The following PNPLA7 variants were observed in gnomAD, a reference collection of about 807,000 sequenced individuals.
PNPLA7 encodes the protein patatin like domain 7, lysophospholipase.
In PNPLA7, 153 loss-of-function variants were observed where a neutral mutation model predicts 161.7. The ratio of observed to expected loss-of-function variants is 0.95; its 90% CI spans 0.83 to 1.08. The LOEUF is 1.08. PNPLA7 is among the 50% of genes least tolerant of loss of function. PNPLA7 has a pLI of 0.00. For synonymous variants in PNPLA7, 809 were observed against 782.1 expected, an observed-to-expected ratio of 1.03 and a Z score of -0.57; for missense variants, 1,739 against 1,856.6, an observed-to-expected ratio of 0.94 and a Z score of 1.16.
chr9:137,484,806 GC>G (rs1460651678), intron 20 of PNPLA7, 70 bp from the exon 21 acceptor site: 9 of 1,478,688 alleles, frequency 6.1e-6, no homozygotes, highest in South Asian at 5.4e-5. Flanking sequence ...ATGCCCTGGG[GC>G]CCCCCGAGGC....
chr9:137,501,128 G>T (rs895853307), intron 15 of PNPLA7, among the ~76,000 whole-genome samples: 3 of 152,196 alleles, frequency 2.0e-5, no homozygotes, highest in Non-Finnish European at 4.4e-5. Flanking sequence ...AGCGAGCCGG[G>T]CCTCGGACCT....
Position 137,480,292 on chromosome 9 carries a change from C to A in PNPLA7, c.2580+20G>T, listed in dbSNP as rs754665293. The A allele has an allele frequency of 6.2e-7, 1 of 1,607,498 alleles. No homozygotes were observed. Among genetic ancestry groups the A allele is most frequent in the Admixed American group, 1.7e-5 (1 of 59,436 alleles). ...GAAGAGAGGGCTCTCCCCAGCTCCA[C>A]CGGCCCTCCCCGTGCTCACCTCGCC... On this transcript the variant is annotated intron_variant, in intron 23 of 34. Transcript: ENST00000406427.
chr9:137,515,332 G>A (rs763849609), intron 12 of PNPLA7, 47 bp downstream of exon 12: 20 of 1,579,832 alleles, frequency 1.3e-5, no homozygotes, highest in African/African-American at 6.7e-5. Flanking sequence ...CTCAGATGCC[G>A]AGGGCCTGTG....
chr9:137,547,777 T>A lies in PNPLA7; in HGVS notation c.31-118A>T. On this transcript the variant is annotated intron_variant, in intron 1 of 34. Coordinates refer to ENST00000406427, the MANE Select transcript of PNPLA7 (RefSeq NM_001098537.3). This position sits in a 1 kb window ranked among gnomAD's most constrained non-coding sequence, Gnocchi z 4.6. ...AGAAGTCAGCAGCCCTGGAGACTTC[T>A]GGGAAGAAGTGATCTCGCCCGGGGT... The A allele has an allele frequency of 1.0e-6, 1 of 974,866 alleles. No individual in the cohort carries two copies. The highest frequency in any genetic ancestry group is 1.6e-6 in the Non-Finnish European group (1 of 617,834). 60.4% of individuals were successfully genotyped at this position (974,866 alleles called of 1,614,324 possible).
intron 12 of PNPLA7, among the ~76,000 whole-genome samples, chr9:137,514,422 G>C (rs1834405714): frequency 7.5e-6 from 1 of 132,562 alleles, no homozygotes; most frequent in African/African-American, 3.1e-5. Flanking sequence ...GGATGTTGAT[G>C]TGCCGGGGCC....
rs747222969 is a variant in PNPLA7, at chr9:137,480,294, G to A, written c.2580+18C>T. The A allele has an allele frequency of 2.5e-5, 40 of 1,608,096 alleles. No homozygotes were observed. Among genetic ancestry groups the A allele is most frequent in the Non-Finnish European group, 3.0e-5 (35 of 1,178,684 alleles). On this transcript the variant is annotated intron_variant, in intron 23 of 34. Coordinates refer to ENST00000406427, the MANE Select transcript of PNPLA7 (RefSeq NM_001098537.3). ...AGAGAGGGCTCTCCCCAGCTCCACCGGCCCTCCCCGTGCTCACCTCGCCCA... is the reference window on the plus strand; with the variant it reads ...AGAGAGGGCTCTCCCCAGCTCCACCAGCCCTCCCCGTGCTCACCTCGCCCA...
rs1049502228 is a variant in PNPLA7, at chr9:137,490,637, C to A, written c.2197+2376G>T. ...AGATGAGGGAAAGCAAGCGGATCTG[C>A]AGCCATCAGACCTTCTCTGAAAGAA... is the stretch of plus-strand genomic sequence containing the variant. On this transcript the variant is annotated intron_variant, in intron 20 of 34. Coordinates refer to ENST00000406427, the MANE Select transcript of PNPLA7 (RefSeq NM_001098537.3). The surrounding 1 kb of genome is among the most constrained non-coding windows in gnomAD (Gnocchi z 4.1). 1.3e-5 allele frequency among the ~76,000 whole-genome samples: 2 copies of A among 152,192 alleles called. No homozygotes were observed. The highest frequency in any genetic ancestry group is 4.8e-5 in the African/African-American group (2 of 41,446).
chr9:137,474,795 G>A (rs1311693932), intron 25 of PNPLA7, among the ~76,000 whole-genome samples: 4 of 148,848 alleles, frequency 2.7e-5, no homozygotes, highest in East Asian at 4.1e-4. Context: ...GGCGGATCAC[G>A]AGGTCAGGAG....
intron 12 of PNPLA7, among the ~76,000 whole-genome samples, chr9:137,506,881 G>GC (rs1833951919): frequency 6.6e-6 from 1 of 152,258 alleles, no homozygotes; most frequent in Admixed American, 6.5e-5. Context: ...CGAGTCATCT[G>GC]CACTGCGGTT....
intron 8 of PNPLA7, among the ~76,000 whole-genome samples, chr9:137,526,103 C>G (rs376824275): frequency 6.6e-6 from 1 of 151,904 alleles, no homozygotes; most frequent in East Asian, 1.9e-4. Context: ...TCCAGTATAA[C>G]TATTCTTATT....
intron 8 of PNPLA7, among the ~76,000 whole-genome samples, chr9:137,533,742 G>A (rs1463865486): frequency 6.6e-6 from 1 of 150,516 alleles, no homozygotes; most frequent in East Asian, 2.0e-4. Context: ...CCAGGCAGGA[G>A]GGCTCCCAGA....
At chr9:137,522,296 G>A (rs56105003) in intron 9 of PNPLA7, among the ~76,000 whole-genome samples, 4,260 of 149,768 alleles carry the variant, frequency 0.028, 209 homozygotes, top group African/African-American at 0.097. Flanking sequence ...GGATGGTCTC[G>A]ATCTCCTGAC....
rs1831100998 is a variant in PNPLA7, at chr9:137,460,136, G to A, written c.*257C>T. The A allele has an allele frequency of 4.9e-6, 2 of 409,734 alleles. No individual in the cohort carries two copies. Among genetic ancestry groups the A allele is most frequent in the South Asian group, 2.6e-5 (1 of 38,846 alleles). The allele number at this position is 409,734 out of a possible 1,614,324, so 25.4% of individuals were successfully genotyped here. ...GGGCTTCGGGGGGCCTCACAGGGCTGCAGGGGGTTCACAGAGCTTCAGGGG... is the reference window on the plus strand; with the variant it reads ...GGGCTTCGGGGGGCCTCACAGGGCTACAGGGGGTTCACAGAGCTTCAGGGG... On this transcript the variant is annotated 3_prime_UTR_variant, in exon 35 of 35. Coordinates refer to ENST00000406427, the MANE Select transcript of PNPLA7 (RefSeq NM_001098537.3).
chr9:137,472,110 C>G (rs1041521367), intron 25 of PNPLA7, among the ~76,000 whole-genome samples: 1 of 148,968 alleles, frequency 6.7e-6, no homozygotes, highest in Non-Finnish European at 1.5e-5. Flanking sequence ...ACCAGTGGAA[C>G]CCAGCAAGGT....
rs1432308818 is a variant in PNPLA7 at position 137,462,301 on chromosome 9, G to T, written c.3523C>A (p.Leu1175Met). The change falls in exon 31 of 35, where the codon CTG becomes ATG. Residue 1175 changes from leucine to methionine, a missense_variant. By Grantham distance (15) the Leu-to-Met change is conservative (BLOSUM62 2). Transcript: ENST00000406427. ...TGCCGCACGCAACACACGTAGGCCA[G>T]GCGCGTCTGAATCTCTGCCATGTTC... is the stretch of plus-strand genomic sequence containing the variant. The part of the protein sequence containing the change: ...VLNMAEIQTR[L>M]AYVCCVRQLE... 6.2e-7 allele frequency: 1 copy of T among 1,609,958 alleles called. No individual in the cohort carries two copies. The highest frequency in any genetic ancestry group is 8.5e-7 in the Non-Finnish European group (1 of 1,178,248).
chr9:137,538,300 C>A lies in PNPLA7; in HGVS notation c.747+2342G>T, dbSNP rs112797490. Reference sequence around the variant, plus strand: ...CACAACGAGATGCCGAGGTCCCACCCACGCCTCCACCCCAGGCCCCAAACA... The same window carrying A: ...CACAACGAGATGCCGAGGTCCCACCAACGCCTCCACCCCAGGCCCCAAACA... On this transcript the variant is annotated intron_variant, in intron 8 of 34. Transcript: ENST00000406427. Among the ~76,000 whole-genome samples, 26 of 152,058 alleles carry A rather than the reference C, an allele frequency of 1.7e-4. 2 individuals carry two copies. The highest frequency in any genetic ancestry group is 6.3e-4 in the African/African-American group (26 of 41,314).
intron 27 of PNPLA7, 29 bp from the exon 28 acceptor site, chr9:137,464,224 C>T (rs1315729531): frequency 1.9e-6 from 3 of 1,612,598 alleles, no homozygotes; most frequent in African/African-American, 2.7e-5. Context: ...CAGATGGGCC[C>T]TCTCCCATCA....
At chr9:137,491,946 T>TGCAGGACACGCGG in intron 20 of PNPLA7, 1 of 985,392 alleles carries the variant, frequency 1.0e-6, no homozygotes, top group East Asian at 1.1e-4. Flanking sequence ...GAGACGGAGA[T>TGCAGGACACGCGG]GCAGGACACG....
At chr9:137,528,194 T>G (rs2132530353) in intron 8 of PNPLA7, among the ~76,000 whole-genome samples, 1 of 152,334 alleles carries the variant, frequency 6.6e-6, no homozygotes, top group East Asian at 1.9e-4. Context: ...AAGAGCCAGC[T>G]TTTGGTTTCA....
Sources: allele counts gnomAD v4.1 joint callset (sites outside exome capture counted in the v4.1 genomes callset), GRCh38; gene constraint gnomAD v4.1.1; non-coding constraint Gnocchi (gnomAD v3.1); transcripts MANE v1.5; gene names NCBI Gene and HGNC (gene_info 2026-07-23, HGNC 2026-07-21).